The following DST variants were observed in gnomAD, a reference collection of about 807,000 sequenced individuals.
The protein encoded by DST is bullous pemphigoid antigen.
In DST, 253 loss-of-function variants were observed where a neutral mutation model predicts 875.2. The observed-to-expected ratio is 0.29, with a 90% CI of 0.26 to 0.32. The LOEUF is 0.32. Ranked by LOEUF, DST falls within the 10% of genes least tolerant of loss-of-function variation. DST has a pLI of 1.00. For synonymous variants in DST, 3,124 were observed against 3,197.1 expected, an observed-to-expected ratio of 0.98 and a Z score of 0.77; for missense variants, 8,287 against 9,111.6, an observed-to-expected ratio of 0.91 and a Z score of 3.68.
At position 56,516,517 on chromosome 6, in the gene DST, C is replaced by T. The variant is rs184275986; in HGVS notation, c.18357+681G>A. Among the ~76,000 whole-genome samples, 131 of 152,110 alleles carry T rather than the reference C, an allele frequency of 8.6e-4. 2 individuals are homozygous for T. The highest frequency in any genetic ancestry group is 3.0e-3 in the African/African-American group (125 of 41,524). ...TCCTATTATTTTATCTGTGGTCTAC[C>T]TTAAAAGCAATGCATACTCTTTAAA... On this transcript the variant is annotated intron_variant, in intron 71 of 103. Transcript: ENST00000680361.
At chr6:56,853,277 G>A (rs1259856274) in intron 3 of DST, among the ~76,000 whole-genome samples, 2 of 152,110 alleles carry the variant, frequency 1.3e-5, no homozygotes, top group Non-Finnish European at 2.9e-5. Context: ...AAATAAAATT[G>A]ATTTTCTGTA....
chr6:56,897,238 TATA>T (rs1294024842), intron 3 of DST, among the ~76,000 whole-genome samples: 4 of 150,610 alleles, frequency 2.7e-5, no homozygotes, highest in African/African-American at 9.8e-5. Flanking sequence ...ATTATCACTT[TATA>T]ATAAGGAAAC....
chr6:56,936,753 T>C (rs1043155234), intron 2 of DST, among the ~76,000 whole-genome samples: 1 of 151,630 alleles, frequency 6.6e-6, no homozygotes, highest in Non-Finnish European at 1.5e-5. Context: ...CTATCAACCA[T>C]ACAGAATTAA....
chr6:56,622,531 C>T (rs1219397208), intron 36 of DST, among the ~76,000 whole-genome samples: 1 of 142,208 alleles, frequency 7.0e-6, no homozygotes, highest in Admixed American at 7.4e-5. Context: ...GCCGAGATCA[C>T]GCCACTGCAC....
At chr6:56,880,837 CTTTTTTTTTTTTTT>C (rs765843469) in intron 3 of DST, among the ~76,000 whole-genome samples, 1,744 of 58,366 alleles carry the variant, frequency 0.03, 41 homozygotes, top group Middle Eastern at 0.04. Context: ...TACTGTCTTT[CTTTTTTTTTTTTTT>C]TTTTTTTTTT....
At chr6:56,915,624 T>A (rs1165781437) in intron 2 of DST, among the ~76,000 whole-genome samples, 1 of 152,152 alleles carries the variant, frequency 6.6e-6, no homozygotes, top group Non-Finnish European at 1.5e-5. Flanking sequence ...CGTGCTAATT[T>A]GCAATAAGTC....
intron 5 of DST, among the ~76,000 whole-genome samples, chr6:56,712,090 C>CAAAAAAAAAAAA (rs34769867): frequency 2.6e-4 from 20 of 76,536 alleles, no homozygotes; most frequent in African/African-American, 6.1e-4. Flanking sequence ...GACTCCGTCT[C>CAAAAAAAAAAAA]AAAAAAAAAA....
chr6:56,660,893 A>G (rs1167043494), intron 10 of DST, among the ~76,000 whole-genome samples: 2 of 152,124 alleles, frequency 1.3e-5, no homozygotes, highest in Non-Finnish European at 2.9e-5. Context: ...GAGAAACAGT[A>G]TATTTATAGC....
At chr6:56,634,347 G>T (rs764881006) in intron 26 of DST, 89 bp from the exon 27 acceptor site, 8 of 1,605,126 alleles carry the variant, frequency 5.0e-6, no homozygotes, top group Non-Finnish European at 6.8e-6. Flanking sequence ...AATATTCCAC[G>T]GATGAGTTCT....
At chr6:56,879,549 C>A (rs895165782) in intron 3 of DST, among the ~76,000 whole-genome samples, 2 of 151,902 alleles carry the variant, frequency 1.3e-5, no homozygotes, top group African/African-American at 4.8e-5. Context: ...ATTATCTATT[C>A]AGTCCCTATT....
rs2099435187 is a variant in DST at position 56,724,214 on chromosome 6, AACAAACT to A, written c.687+11007_687+11013del. 2.6e-5 allele frequency among the ~76,000 whole-genome samples: 4 copies of A among 152,328 alleles called. No homozygotes were observed. The South Asian group carries it at 8.3e-4, about 32-fold the overall frequency. ...GATGTTTAAGACATTTGGGAACAAT[AACAAACT>A]ATGAGGTAAAAGAAAGGATAATATT... On this transcript the variant is annotated intron_variant, in intron 5 of 103. Transcript: ENST00000680361.
Position 56,492,405 on chromosome 6 carries a change from C to A in DST, c.20579G>T (p.Arg6860Leu), listed in dbSNP as rs1450180469. Residue 6860 changes from arginine (R) to leucine (L), a missense_variant, in exon 85 of 104, where the codon CGT (arginine) becomes CTT (leucine). Arg to Leu is a moderately radical substitution (Grantham distance 102, BLOSUM62 -2). Transcript: ENST00000680361. ...TTTGTCCAGCTCTATTATCTGCTCA[C>A]GATGAGAATTTACTTCATTGGCAAA... is the stretch of plus-strand genomic sequence containing the variant. ...KVFANEVNSH[R>L]EQIIELDKTG... 6.2e-7 allele frequency: 1 copy of A among 1,612,998 alleles called. No individual in the cohort carries two copies.
chr6:56,656,257 T>TA (rs909525813), intron 10 of DST, among the ~76,000 whole-genome samples: 4 of 152,206 alleles, frequency 2.6e-5, no homozygotes, highest in Admixed American at 2.0e-4. Flanking sequence ...TTGTCTCTCC[T>TA]AAAAAACAAT....
At chr6:56,764,288 C>T (rs2099626885) in intron 4 of DST, among the ~76,000 whole-genome samples, 1 of 152,188 alleles carries the variant, frequency 6.6e-6, no homozygotes, top group Non-Finnish European at 1.5e-5. Flanking sequence ...GCACAATCTC[C>T]AAAACGTTTT....
chr6:56,482,214 T>C (rs770657842), intron 89 of DST, 36 bp from the exon 90 acceptor site: 1 of 1,572,958 alleles, frequency 6.4e-7, no homozygotes, highest in South Asian at 1.2e-5. Flanking sequence ...CCAAACAAAA[T>C]TCCCAAATAT....
intron 2 of DST, among the ~76,000 whole-genome samples, chr6:56,943,812 T>G (rs1048822041): frequency 6.6e-6 from 1 of 151,932 alleles, no homozygotes. Flanking sequence ...AAGGTATAAC[T>G]ATATGTCTAA....
chr6:56,502,435 T>A (rs2096164069), intron 78 of DST, among the ~76,000 whole-genome samples: 1 of 152,166 alleles, frequency 6.6e-6, no homozygotes, highest in South Asian at 2.1e-4. Context: ...AAGCACTTGG[T>A]ATGTTCAAGT....
intron 55 of DST, among the ~76,000 whole-genome samples, chr6:56,566,627 G>A (rs549912179): frequency 2.0e-5 from 3 of 152,296 alleles, no homozygotes; most frequent in South Asian, 4.1e-4. Context: ...GCTGCAGACT[G>A]GAGCTGTTCC....
rs756726565 is a variant in DST at position 56,517,566 on chromosome 6, AT to A, written c.18183del (p.Lys6061AsnfsTer2). On this transcript the variant is annotated frameshift_variant, in exon 70 of 104. Transcript: ENST00000680361. LOFTEE classifies it high-confidence loss of function. Reference sequence around the variant, plus strand: ...AGCCTGATGTCACCCAGAGACATCAATTTTTTTTCTGTTTCAGTAATCCAGG... The same window carrying A: ...AGCCTGATGTCACCCAGAGACATCAATTTTTTTCTGTTTCAGTAATCCAGG... ...ELSWITETEK[K>X]LMSLGDIRLE... 6.2e-7 allele frequency: 1 copy of A among 1,612,994 alleles called. No homozygotes were observed. The highest frequency in any genetic ancestry group is 1.1e-5 in the South Asian group (1 of 90,974).
Sources: gnomAD v4.1 joint callset for allele counts (sites outside exome capture counted in the v4.1 genomes callset) on GRCh38, gnomAD v4.1.1 for gene constraint, MANE v1.5 for transcripts, NCBI Gene and HGNC (gene_info 2026-07-23, HGNC 2026-07-21) for gene names.